MACF1: variants seen among roughly 807,000 people sequenced by gnomAD.
MACF1 encodes microtubule-actin cross-linking factor 1.
MACF1 carries 193 observed loss-of-function variants against 854.8 expected under a neutral mutation model. The ratio of observed to expected loss-of-function variants is 0.23; its 90% confidence interval spans 0.20 to 0.25. MACF1 has a LOEUF of 0.25. Among genes scored for constraint, MACF1 ranks in the 10% least tolerant of loss-of-function variants. The pLI is 1.00. For synonymous variants in MACF1, 3,185 were observed against 3,226.7 expected (o/e 0.99, Z 0.44); for missense variants, 7,722 against 8,929.1 (o/e 0.86, Z 5.45).
intron 2 of MACF1, among the ~76,000 whole-genome samples, chr1:39,197,872 C>G (rs1419941852): frequency 6.6e-6 from 1 of 151,956 alleles, no homozygotes; most frequent in African/African-American, 2.4e-5. Flanking sequence ...GGCGACAGAG[C>G]GAGACCATGT....
At chr1:39,301,500 A>G (rs902567150) in intron 22 of MACF1, among the ~76,000 whole-genome samples, 1 of 151,814 alleles carries the variant, frequency 6.6e-6, no homozygotes, top group Non-Finnish European at 1.5e-5. Flanking sequence ...ATCTCAGCTC[A>G]CTGCAACCTC....
chr1:39,347,169 C>T lies in MACF1; in HGVS notation c.10774C>T (p.Gln3592Ter). 1 of 1,614,006 alleles carries T rather than the reference C, an allele frequency of 6.2e-7. No homozygotes were observed. The highest frequency in any genetic ancestry group is 8.5e-7 in the Non-Finnish European group (1 of 1,179,950). Residue 3592 changes from glutamine to a stop codon, truncating the protein, a stop_gained, in exon 41 of 101, where the codon CAG (glutamine) becomes TAG (stop). Transcript: ENST00000564288. LOFTEE classifies it high-confidence loss of function. ...GACTGCCGCTCAGGTGGATGCCTTG[C>T]AGGGCCATCTTCAACAAATGGAGCA... ...EQTAAQVDALQGHLQQMEQEA... is the reference protein window; with the variant it reads ...EQTAAQVDAL
At chr1:39,264,252 T>A (rs1645203828) in intron 6 of MACF1, among the ~76,000 whole-genome samples, 1 of 152,232 alleles carries the variant, frequency 6.6e-6, no homozygotes, top group Non-Finnish European at 1.5e-5. Flanking sequence ...ATACCTGGAC[T>A]GGAATTGCTG....
At chr1:39,423,070 G>T in intron 60 of MACF1, among the ~76,000 whole-genome samples, 170 bp downstream of exon 60, 1 of 152,098 alleles carries the variant, frequency 6.6e-6, no homozygotes, top group South Asian at 2.1e-4. Flanking sequence ...ACTTAAATCT[G>T]GTTTACTGTG....
At chr1:39,484,864 C>A in intron 100 of MACF1, 134 bp downstream of exon 100, 1 of 990,836 alleles carries the variant, frequency 1.0e-6, no homozygotes, top group Non-Finnish European at 1.6e-6. Flanking sequence ...GACAGACCTG[C>A]AGATGCTCAA....
chr1:39,281,722 G>A (rs1467420066), intron 6 of MACF1, among the ~76,000 whole-genome samples: 1 of 152,162 alleles, frequency 6.6e-6, no homozygotes, highest in Non-Finnish European at 1.5e-5. Context: ...ATTGTGCTAT[G>A]ATTTATAACC....
At chr1:39,446,583 C>A (rs1241577424) in intron 80 of MACF1, among the ~76,000 whole-genome samples, 1 of 151,594 alleles carries the variant, frequency 6.6e-6, no homozygotes, top group Non-Finnish European at 1.5e-5. Context: ...GTAGAATTAA[C>A]AACAGTTAAC....
intron 5 of MACF1, among the ~76,000 whole-genome samples, chr1:39,255,696 A>G (rs958339865): frequency 1.1e-4 from 17 of 152,234 alleles, no homozygotes; most frequent in African/African-American, 4.8e-5. Context: ...CTCATAATGA[A>G]TGGTCCTCAG....
intron 2 of MACF1, among the ~76,000 whole-genome samples, chr1:39,101,038 G>C (rs1485077621): frequency 6.6e-6 from 1 of 151,370 alleles, no homozygotes; most frequent in Non-Finnish European, 1.5e-5. Flanking sequence ...TGGAATTACA[G>C]GTGTGAGCCA....
intron 2 of MACF1, among the ~76,000 whole-genome samples, chr1:39,090,749 C>T (rs1040460641): frequency 6.6e-6 from 1 of 152,208 alleles, no homozygotes; most frequent in African/African-American, 2.4e-5. Context: ...TTCTCAGTCT[C>T]ATGGGCTCAG....
Position 39,291,976 on chromosome 1 carries a change from C to G in MACF1, c.1852C>G (p.Gln618Glu), listed in dbSNP as rs142880288. 3.7e-6 allele frequency: 6 copies of G among 1,614,034 alleles called. No homozygotes were observed. The highest frequency in any genetic ancestry group is 5.1e-6 in the Non-Finnish European group (6 of 1,179,986). ...TGTGGAGTTGCAGCTAGAAACACAG[C>G]AGCACATCCATACGAGTGTAGAAGA... ...PSVELQLETQ[Q>E]HIHTSVEELG... Residue 618 changes from glutamine to glutamate, a missense_variant, in exon 16 of 101, where the codon CAG becomes GAG. Physicochemically the swap from Gln to Glu is conservative, Grantham distance 29. Transcript: ENST00000564288.
At chr1:39,112,331 T>C (rs911436448) in intron 2 of MACF1, among the ~76,000 whole-genome samples, 2 of 151,992 alleles carry the variant, frequency 1.3e-5, no homozygotes, top group African/African-American at 4.8e-5. Flanking sequence ...TGATCTGCCC[T>C]CCTCGACCTC....
chr1:39,368,521 A>G (rs1457539154), intron 50 of MACF1, among the ~76,000 whole-genome samples: 4 of 151,480 alleles, frequency 2.6e-5, no homozygotes, highest in African/African-American at 7.3e-5. Context: ...TTTTTTTTTG[A>G]GACTGAGTAT....
At chr1:39,089,140 G>A (rs1557445063) in intron 2 of MACF1, among the ~76,000 whole-genome samples, 1 of 152,312 alleles carries the variant, frequency 6.6e-6, no homozygotes. Context: ...TCGGGAGGCC[G>A]AGGCAGGAGA....
At chr1:39,442,623 C>T in intron 77 of MACF1, 56 bp downstream of exon 77, 2 of 1,602,794 alleles carry the variant, frequency 1.2e-6, no homozygotes, top group Non-Finnish European at 1.7e-6. Context: ...CAGATGCTGC[C>T]ACCAGCAGCC....
At chr1:39,200,573 C>T (rs971375828), upstream of MACF1, among the ~76,000 whole-genome samples, 1 of 151,918 alleles carries the variant, frequency 6.6e-6, no homozygotes, top group Non-Finnish European at 1.5e-5. Context: ...GTGGTGGGCA[C>T]CTGTAATCCC....
In MACF1 at chr1:39,465,129, A is replaced by G. The variant is rs1303520997; in HGVS notation, c.21771+17A>G. On this transcript the variant is annotated intron_variant, in intron 95 of 100. Coordinates refer to ENST00000564288, the MANE Select transcript of MACF1 (RefSeq NM_001394062.1). Reference sequence around the variant, plus strand: ...GGCAATCAGGTACAGTGTGCCTTGCAATGTTCTCCTTCTCAATGGATATGG... The same window carrying G: ...GGCAATCAGGTACAGTGTGCCTTGCGATGTTCTCCTTCTCAATGGATATGG... 4.3e-6 allele frequency: 7 copies of G among 1,610,952 alleles called. No homozygotes were observed. Among genetic ancestry groups the G allele is most frequent in the Non-Finnish European group, 5.9e-6 (7 of 1,177,238 alleles).
At chr1:39,390,828 C>T (rs566298887) in intron 58 of MACF1, among the ~76,000 whole-genome samples, 2 of 152,166 alleles carry the variant, frequency 1.3e-5, no homozygotes, top group Non-Finnish European at 2.9e-5. Flanking sequence ...GTTTTATCAG[C>T]CGGGTGCGGT....
rs150081691 is a variant in MACF1 at position 39,387,471 on chromosome 1, T to C, written c.14629T>C (p.Leu4877=). 6.4e-5 allele frequency: 104 copies of C among 1,614,000 alleles called. No individual in the cohort carries two copies. In the African/African-American group the frequency reaches 1.3e-3, roughly 20 times the overall value. ...GEEKRTLQNQ[L]VELKNHWEEL... ...AGAGAAAAGGACTCTACAAAACCAG[T>C]TGGTTGAGCTCAAAAACCATTGGGA... The change falls in exon 58 of 101, where the codon TTG becomes CTG. Residue 4877 remains leucine (L), a synonymous_variant. Transcript: ENST00000564288.
Sources: allele counts gnomAD v4.1 joint callset (sites outside exome capture counted in the v4.1 genomes callset), GRCh38; gene constraint gnomAD v4.1.1; transcripts MANE v1.5; gene names NCBI Gene and HGNC (gene_info 2026-07-23, HGNC 2026-07-21).